Variants in TLCD4 observed in about 807,000 individuals in gnomAD.
The protein encoded by TLCD4 is TLC domain-containing protein 4.
In TLCD4, 7 loss-of-function variants were observed where a neutral mutation model predicts 24.2. The ratio of observed to expected loss-of-function variants is 0.29; its 90% CI spans 0.16 to 0.54. The LOEUF (loss-of-function observed/expected upper bound fraction) is 0.54, where lower values mean the gene tolerates loss of function less well. Among genes scored for constraint, TLCD4 ranks in the 20% least tolerant of loss-of-function variants. The probability of loss-of-function intolerance (pLI) is 0.95; values close to 1 mark genes in which losing one functional copy is unlikely to be tolerated. For missense variants in TLCD4, 259 were observed against 313.9 expected, an observed-to-expected ratio of 0.82 and a Z score of 1.32; for synonymous variants, 103 against 106.4, an observed-to-expected ratio of 0.97 and a Z score of 0.20.
intron 1 of TLCD4, among the ~76,000 whole-genome samples, chr1:95,122,252 C>T (rs1431983215): frequency 6.6e-6 from 1 of 152,102 alleles, no homozygotes; most frequent in Admixed American, 6.6e-5. Context: ...CCCAGCTATT[C>T]GGGAGGCTGA....
At chr1:95,175,776 C>A (rs1678401167) in intron 6 of TLCD4, among the ~76,000 whole-genome samples, 1 of 151,164 alleles carries the variant, frequency 6.6e-6, no homozygotes, top group Admixed American at 6.6e-5. Flanking sequence ...TTTTTCTTTT[C>A]TTTTCTTTTT....
chr1:95,183,722 C>T lies in TLCD4; in HGVS notation c.474-7828C>T, dbSNP rs112307823. Among the ~76,000 whole-genome samples, 9 of 152,094 alleles carry T rather than the reference C, an allele frequency of 5.9e-5. No homozygotes were observed. In the South Asian group the frequency reaches 6.2e-4, roughly 11 times the overall value. ...AGCTGGGTGTGGTGGCGCGTAGTCCCGGCTACTCAGGAGGCTGAGGCAGGA... is the reference window on the plus strand; with the variant it reads ...AGCTGGGTGTGGTGGCGCGTAGTCCTGGCTACTCAGGAGGCTGAGGCAGGA... On this transcript the variant is annotated intron_variant, in intron 6 of 6. Transcript: ENST00000370203.
At chr1:95,189,876 C>G (rs1308024824) in intron 6 of TLCD4, among the ~76,000 whole-genome samples, 1 of 152,118 alleles carries the variant, frequency 6.6e-6, no homozygotes, top group Non-Finnish European at 1.5e-5. Flanking sequence ...TGGAAAAATA[C>G]CTAGGAATGT....
At chr1:95,094,548 A>G in the TLCD4 span, among the ~76,000 whole-genome samples, 1 of 152,184 alleles carries the variant, frequency 6.6e-6, no homozygotes, top group Non-Finnish European at 1.5e-5. Flanking sequence ...AACGGCAACA[A>G]CAGAGTGATA....
the TLCD4 span, among the ~76,000 whole-genome samples, chr1:95,107,653 T>A: frequency 1.3e-5 from 2 of 152,160 alleles, no homozygotes; most frequent in African/African-American, 4.8e-5. Flanking sequence ...ATGAATAGTT[T>A]ATCAACTTTA....
chr1:95,130,425 C>A (rs890271583), intron 1 of TLCD4, among the ~76,000 whole-genome samples: 3 of 152,084 alleles, frequency 2.0e-5, no homozygotes, highest in Non-Finnish European at 4.4e-5. Flanking sequence ...GTGCTGAGAT[C>A]ACAGGCATGA....
chr1:95,133,182 A>T (rs2100919271), intron 1 of TLCD4, among the ~76,000 whole-genome samples: 1 of 152,268 alleles, frequency 6.6e-6, no homozygotes, highest in South Asian at 2.1e-4. Flanking sequence ...AGCCTGTTTA[A>T]GAGCCAATAG....
At chr1:95,125,706 G>C (rs918910679) in intron 1 of TLCD4, 5 of 152,232 alleles carry the variant, frequency 3.3e-5, no homozygotes, top group Admixed American at 3.3e-4. Context: ...TATCCGGTCA[G>C]ATCATAGGTA....
At chr1:95,183,616 A>G in intron 6 of TLCD4, among the ~76,000 whole-genome samples, 1 of 152,166 alleles carries the variant, frequency 6.6e-6, no homozygotes, top group East Asian at 1.9e-4. Flanking sequence ...AGGCGAGCAG[A>G]TCACAAGGTC....
At chr1:95,150,305 A>G (rs752977442) in intron 4 of TLCD4, 39 bp downstream of exon 4, 7 of 1,600,236 alleles carry the variant, frequency 4.4e-6, no homozygotes. Context: ...TTCCTTGTAA[A>G]CTACTCACGG....
At chr1:95,153,747 A>G (rs991269053) in intron 5 of TLCD4, among the ~76,000 whole-genome samples, 1 of 152,154 alleles carries the variant, frequency 6.6e-6, no homozygotes, top group Non-Finnish European at 1.5e-5. Context: ...TAGATTAGGT[A>G]GCTATTGTCT....
At chr1:95,151,443 C>T in intron 5 of TLCD4, 24 bp downstream of exon 5, 1 of 1,603,376 alleles carries the variant, frequency 6.2e-7, no homozygotes, top group East Asian at 2.2e-5. Flanking sequence ...TTTTCTGTAG[C>T]CTAACTAGCA....
At chr1:95,151,220 T>C (rs1393222900) in intron 4 of TLCD4, 105 bp from the exon 5 acceptor site, 21 of 1,134,332 alleles carry the variant, frequency 1.9e-5, no homozygotes, top group Non-Finnish European at 2.7e-5. Context: ...TGCTGTGGGC[T>C]CAGAGTGGAC....
At chr1:95,114,758 G>A (rs1421690481), upstream of TLCD4, among the ~76,000 whole-genome samples, 6 of 151,866 alleles carry the variant, frequency 4.0e-5, no homozygotes, top group African/African-American at 9.7e-5. Context: ...ACTGGAAGGC[G>A]GAGGTTGCAG....
chr1:95,189,044 A>C (rs1186333561), intron 6 of TLCD4, among the ~76,000 whole-genome samples: 1 of 152,134 alleles, frequency 6.6e-6, no homozygotes, highest in African/African-American at 2.4e-5. Context: ...ACTGTTTCCA[A>C]ATCTAATCCA....
intron 1 of TLCD4, among the ~76,000 whole-genome samples, chr1:95,129,497 T>C (rs921353380): frequency 3.9e-5 from 6 of 152,170 alleles, no homozygotes; most frequent in African/African-American, 1.4e-4. Flanking sequence ...ATTCCAGCAC[T>C]TTGGGAGGCC....
In TLCD4 at chr1:95,148,412, G is replaced by A. The variant is rs995787259; in HGVS notation, c.156-290G>A. Among the ~76,000 whole-genome samples, 16 of 152,190 alleles carry A rather than the reference G, an allele frequency of 1.1e-4. No homozygotes were observed. In the East Asian group the frequency reaches 3.1e-3, roughly 29 times the overall value. ...AAAAGTCTGTCAGCTGCATCATCAT[G>A]TATGCATTTATCTGTCTTAGAACTT... On this transcript the variant is annotated intron_variant, in intron 2 of 6. Coordinates refer to ENST00000370203, the MANE Select transcript of TLCD4 (RefSeq NM_152487.3).
At chr1:95,148,518 A>T (rs1677408776) in intron 2 of TLCD4, among the ~76,000 whole-genome samples, 184 bp from the exon 3 acceptor site, 1 of 152,174 alleles carries the variant, frequency 6.6e-6, no homozygotes, top group South Asian at 2.1e-4. Context: ...TCCAAAGTAA[A>T]GCTGTGGCCT....
the TLCD4 span, among the ~76,000 whole-genome samples, chr1:95,097,983 A>G: frequency 5.3e-5 from 8 of 152,204 alleles, no homozygotes; most frequent in South Asian, 2.1e-4. Flanking sequence ...CTTCAAATAG[A>G]TGGAAACTAG....
Sources: allele counts gnomAD v4.1 joint callset (sites outside exome capture counted in the v4.1 genomes callset), GRCh38; gene constraint gnomAD v4.1.1; transcripts MANE v1.5; gene names NCBI Gene and HGNC (gene_info 2026-07-23, HGNC 2026-07-21).